The following ERMARD variants were observed in gnomAD, a reference collection of about 807,000 sequenced individuals.
ERMARD encodes the protein ER membrane associated RNA degradation, also known as endoplasmic reticulum membrane-associated RNA degradation protein.
Under a neutral mutation model 83.9 loss-of-function variants are expected in ERMARD, and 71 were observed. The ratio of observed to expected loss-of-function variants is 0.85; its 90% CI spans 0.70 to 1.03. The LOEUF is 1.03. Among genes scored for constraint, ERMARD ranks in the 50% least tolerant of loss-of-function variants. The probability of loss-of-function intolerance (pLI) is 0.00; values close to 1 mark genes in which losing one functional copy is unlikely to be tolerated. For synonymous variants in ERMARD, 284 were observed against 298.6 expected (o/e 0.95, Z 0.50); for missense variants, 838 against 810.9 (o/e 1.03, Z -0.41).
intron 5 of ERMARD, 61 bp from the exon 6 acceptor site, chr6:169,758,907 A>T (rs565435542): frequency 1.1e-5 from 16 of 1,425,986 alleles, no homozygotes; most frequent in African/African-American, 2.8e-5. Context: ...TGTTATCTTC[A>T]TACTATATTG....
intron 17 of ERMARD, 67 bp downstream of exon 17, chr6:169,779,362 G>A (rs1793950515): frequency 7.2e-7 from 1 of 1,387,468 alleles, no homozygotes; most frequent in Admixed American, 1.7e-5. Context: ...GAGCCTGTAG[G>A]AGTGAGATTG....
chr6:169,771,872 A>T (rs569488247), intron 12 of ERMARD: 2 of 152,232 alleles, frequency 1.3e-5, no homozygotes, highest in African/African-American at 4.8e-5. Context: ...CCTGTCTCTA[A>T]TAAAAATACA....
chr6:169,757,965 G>A (rs1002500442), intron 5 of ERMARD, among the ~76,000 whole-genome samples: 2 of 152,242 alleles, frequency 1.3e-5, no homozygotes, highest in African/African-American at 4.8e-5. Flanking sequence ...CAGCTGCCAG[G>A]TCACTGGCAT....
chr6:169,763,064 T>C (rs760673680), intron 9 of ERMARD, among the ~76,000 whole-genome samples: 6 of 152,220 alleles, frequency 3.9e-5, no homozygotes, highest in Admixed American at 3.9e-4. Flanking sequence ...GAGTTCCACA[T>C]TGACCCCCGG....
In ERMARD at chr6:169,769,582, A is replaced by G. The variant is rs758525577; in HGVS notation, c.1102A>G (p.Ile368Val). ...CCTGAACCATCAGGAGGGTCCCCGCATAAGAGATCATTTAAGCCACGGGGA... is the reference window on the plus strand; with the variant it reads ...CCTGAACCATCAGGAGGGTCCCCGCGTAAGAGATCATTTAAGCCACGGGGA... ...DFLNHQEGPR[I>V]RDHLSHGEIN... The change falls in exon 12 of 18, where the codon ATA becomes GTA. Residue 368 changes from isoleucine (I) to valine (V), a missense_variant. Transcript: ENST00000366773. 2.7e-5 allele frequency: 44 copies of G among 1,612,540 alleles called. 1 individual carries two copies. The highest frequency in any genetic ancestry group is 1.2e-4 in the African/African-American group (9 of 74,896).
intron 10 of ERMARD, chr6:169,767,205 G>A (rs1364790062): frequency 6.6e-6 from 1 of 152,348 alleles, no homozygotes; most frequent in African/African-American, 2.4e-5. Context: ...CCGGACATTC[G>A]GTTTTGCCTT....
intron 17 of ERMARD, among the ~76,000 whole-genome samples, chr6:169,780,325 C>T (rs1164146818): frequency 1.3e-5 from 2 of 152,172 alleles, no homozygotes; most frequent in Non-Finnish European, 2.9e-5. Flanking sequence ...CAGATATCCC[C>T]TGGGGGATAA....
In ERMARD at chr6:169,777,635, T is replaced by A. The variant is rs1275546230; in HGVS notation, c.1739+962T>A. Among the ~76,000 whole-genome samples, 3 of 152,192 alleles carry A rather than the reference T, an allele frequency of 2.0e-5. No homozygotes were observed. In the East Asian group the frequency reaches 5.8e-4, roughly 29 times the overall value. On this transcript the variant is annotated intron_variant, in intron 16 of 17. Transcript: ENST00000366773. ...TAAACATTGAGGTATATATGAACTC[T>A]ATGGACATTTAATAAAGATGAATTA...
rs542092019 is a variant in ERMARD, at chr6:169,759,835, T to C, written c.606-3T>C. 9 of 1,612,604 alleles carry C rather than the reference T, an allele frequency of 5.6e-6. No individual in the cohort carries two copies. In the South Asian group the frequency reaches 8.8e-5, roughly 16 times the overall value. ...TGTAACAGATCTCTATGGTATTTCC[T>C]AGATACTGTTCAATGATGATACTGT... On this transcript the variant is annotated splice_region_variant and splice_polypyrimidine_tract_variant and intron_variant, in intron 6 of 17. Transcript: ENST00000366773.
At chr6:169,761,727 G>A (rs188674733) in intron 8 of ERMARD, among the ~76,000 whole-genome samples, 46 of 151,112 alleles carry the variant, frequency 3.0e-4, no homozygotes, top group Non-Finnish European at 5.0e-4. Flanking sequence ...GTGTCACCCT[G>A]GCTGGAGTGC....
At chr6:169,766,440 A>G (rs749403868) in intron 9 of ERMARD, among the ~76,000 whole-genome samples, 198 bp from the exon 10 acceptor site, 6 of 152,320 alleles carry the variant, frequency 3.9e-5, no homozygotes, top group South Asian at 4.1e-4. Flanking sequence ...GGCCAGCTGC[A>G]CTGTGTTTTT....
At chr6:169,758,881 A>G (rs1791159067) in intron 5 of ERMARD, 87 bp from the exon 6 acceptor site, 2 of 1,264,880 alleles carry the variant, frequency 1.6e-6, no homozygotes, top group African/African-American at 1.5e-5. Context: ...CTCTCAGTTA[A>G]AAAGAGGAAC....
chr6:169,759,235 G>A lies in ERMARD; in HGVS notation c.605+170G>A, dbSNP rs559471988. ...TAGTGTAGTCACCAGAGTGATGACTGGGTTATAATTTCAGTGACTTACACC... is the reference window on the plus strand; with the variant it reads ...TAGTGTAGTCACCAGAGTGATGACTAGGTTATAATTTCAGTGACTTACACC... On this transcript the variant is annotated intron_variant, in intron 6 of 17. Transcript: ENST00000366773. Among the ~76,000 whole-genome samples, 257 of 152,252 alleles carry A rather than the reference G, an allele frequency of 1.7e-3. 2 individuals carry two copies. The highest frequency in any genetic ancestry group is 3.4e-3 in the Non-Finnish European group (231 of 68,008).
At chr6:169,774,752 C>T (rs1308482708) in intron 13 of ERMARD, among the ~76,000 whole-genome samples, 4 of 152,170 alleles carry the variant, frequency 2.6e-5, no homozygotes, top group African/African-American at 4.8e-5. Flanking sequence ...CTGACCTGGG[C>T]GTTGATGGCT....
intron 10 of ERMARD, 81 bp from the exon 11 acceptor site, chr6:169,768,022 A>C: frequency 1.8e-6 from 2 of 1,141,890 alleles, no homozygotes; most frequent in Admixed American, 3.6e-5. Flanking sequence ...GGCTAAAAGT[A>C]CTATATCCAT....
intron 1 of ERMARD, among the ~76,000 whole-genome samples, chr6:169,752,649 T>C (rs1294616066): frequency 6.6e-6 from 1 of 152,210 alleles, no homozygotes; most frequent in Non-Finnish European, 1.5e-5. Context: ...ATTAGGAAGC[T>C]GCCCAGAGCT....
chr6:169,755,084 T>C (rs1362078135), intron 2 of ERMARD, among the ~76,000 whole-genome samples, 199 bp from the exon 3 acceptor site: 1 of 152,248 alleles, frequency 6.6e-6, no homozygotes, highest in East Asian at 1.9e-4. Flanking sequence ...GCTGATAGTA[T>C]ATTTTTCTTT....
At chr6:169,763,603 G>A (rs1416990538) in intron 9 of ERMARD, among the ~76,000 whole-genome samples, 4 of 152,192 alleles carry the variant, frequency 2.6e-5, no homozygotes, top group South Asian at 2.1e-4. Context: ...TCCACACCTC[G>A]GATTCTCGTC....
intron 16 of ERMARD, among the ~76,000 whole-genome samples, chr6:169,776,974 A>T (rs954016898): frequency 1.3e-5 from 2 of 152,246 alleles, no homozygotes; most frequent in African/African-American, 4.8e-5. Flanking sequence ...TTAGGGAGAC[A>T]TAAGACATCA....
Sources: allele counts gnomAD v4.1 joint callset (sites outside exome capture counted in the v4.1 genomes callset), GRCh38; gene constraint gnomAD v4.1.1; transcripts MANE v1.5; gene names NCBI Gene and HGNC (gene_info 2026-07-23, HGNC 2026-07-21).